Variants in TNN observed in about 807,000 individuals in gnomAD.
TNN encodes the protein tenascin-N.
A neutral mutation model predicts 134.4 loss-of-function variants in TNN; 122 were observed. The ratio of observed to expected loss-of-function variants is 0.91; its 90% confidence interval spans 0.78 to 1.06. TNN has a LOEUF of 1.06. Among genes scored for constraint, TNN ranks in the 50% least tolerant of loss-of-function variants. The probability of loss-of-function intolerance (pLI) is 0.00; values close to 1 mark genes in which losing one functional copy is unlikely to be tolerated. For missense variants in TNN, 1,739 were observed against 1,699.4 expected (o/e 1.02, Z -0.41); for synonymous variants, 710 against 670.3 (o/e 1.06, Z -0.91).
rs1196207003 is a variant in TNN, at chr1:175,128,698, G to C, written c.3282G>C (p.Arg1094=). 1 of 1,614,038 alleles carries C rather than the reference G, an allele frequency of 6.2e-7. No homozygotes were observed. Among genetic ancestry groups the C allele is most frequent in the Non-Finnish European group, 8.5e-7 (1 of 1,179,962 alleles). ...TCTACCTGCATGGCGATGCCAGCCG[G>C]CCCCTGCAGGTGTACTGTGACATGG... ...YTIYLHGDAS[R]PLQVYCDMET... Residue 1094 remains arginine (R), a synonymous_variant, in exon 15 of 19, where the codon CGG becomes CGC. Transcript: ENST00000239462.
chr1:175,146,968 C>A lies in TNN; in HGVS notation c.3797C>A (p.Ser1266Tyr). 1 of 1,584,694 alleles carries A rather than the reference C, an allele frequency of 6.3e-7. No individual in the cohort carries two copies. The highest frequency in any genetic ancestry group is 1.7e-4 in the Middle Eastern group (1 of 5,898). ...NWEPWKGHEF[S>Y]IPYVELKIRP... ...GAGCCTTGGAAAGGACATGAATTCT[C>A]CATTCCTTACGTGGAGTTGAAAATC... The change falls in exon 19 of 19, where the codon TCC becomes TAC. Residue 1266 changes from serine (S) to tyrosine (Y), a missense_variant. Coordinates refer to ENST00000239462, the MANE Select transcript of TNN (RefSeq NM_022093.2).
At chr1:175,125,849 T>G (rs1675514810) in intron 12 of TNN, among the ~76,000 whole-genome samples, 1 of 139,608 alleles carries the variant, frequency 7.2e-6, no homozygotes, top group Non-Finnish European at 1.5e-5. Context: ...TTCTTTTTCT[T>G]TCTTTCTTTT....
Position 175,135,946 on chromosome 1 carries a change from G to A in TNN, c.3427+5G>A, listed in dbSNP as rs769874837. ...CCATGAAGGAGTTCTGGCTTGGTATGATCTCAGAATCCAGGAGGCTGGGGC... is the reference window on the plus strand; with the variant it reads ...CCATGAAGGAGTTCTGGCTTGGTATAATCTCAGAATCCAGGAGGCTGGGGC... On this transcript the variant is annotated splice_donor_5th_base_variant and intron_variant, in intron 16 of 18. Transcript: ENST00000239462. 1 of 1,603,718 alleles carries A rather than the reference G, an allele frequency of 6.2e-7. No individual in the cohort carries two copies. The highest frequency in any genetic ancestry group is 8.5e-7 in the Non-Finnish European group (1 of 1,171,080).
At position 175,147,004 on chromosome 1, in the gene TNN, G is replaced by A; in HGVS notation, c.3833G>A (p.Gly1278Asp). The A allele has an allele frequency of 1.9e-6, 3 of 1,606,394 alleles. No homozygotes were observed. The highest frequency in any genetic ancestry group is 2.6e-6 in the Non-Finnish European group (3 of 1,175,364). The change falls in exon 19 of 19, where the codon GGC (glycine) becomes GAC (aspartate). Residue 1278 changes from glycine to aspartate, a missense_variant. Transcript: ENST00000239462. Reference protein sequence around the residue: ...PYVELKIRPHGYSREPVLGRK... With the variant: ...PYVELKIRPHDYSREPVLGRK... ...GTGGAGTTGAAAATCCGCCCTCATG[G>A]CTACAGCAGGGAGCCTGTCCTGGGC... is the stretch of plus-strand genomic sequence containing the variant.
At chr1:175,109,662 G>GTA (rs752375886) in intron 9 of TNN, among the ~76,000 whole-genome samples, 3 of 147,862 alleles carry the variant, frequency 2.0e-5, no homozygotes, top group Admixed American at 6.8e-5. Context: ...ATGTATATGT[G>GTA]TATATATATA....
intron 17 of TNN, among the ~76,000 whole-genome samples, chr1:175,143,237 A>G (rs970148344): frequency 5.3e-5 from 8 of 152,194 alleles, no homozygotes; most frequent in African/African-American, 1.9e-4. Context: ...GTGAGATGAG[A>G]ATGCACATGC....
chr1:175,103,132 G>T (rs1023296687), intron 9 of TNN, among the ~76,000 whole-genome samples: 6 of 146,084 alleles, frequency 4.1e-5, no homozygotes, highest in African/African-American at 1.2e-4. Context: ...TGACAAGAAG[G>T]TTAAAAATAC....
At chr1:175,092,927 C>A (rs1037077881) in intron 6 of TNN, among the ~76,000 whole-genome samples, 2 of 151,404 alleles carry the variant, frequency 1.3e-5, no homozygotes, top group Admixed American at 1.3e-4. Context: ...TGGCCTGCAC[C>A]CCCACCATCT....
chr1:175,074,803 G>A (rs1281439558), intron 1 of TNN, among the ~76,000 whole-genome samples: 1 of 152,220 alleles, frequency 6.6e-6, no homozygotes, highest in African/African-American at 2.4e-5. Flanking sequence ...ATGGATGAAA[G>A]CATTGCATAG....
At position 175,106,917 on chromosome 1, in the gene TNN, C is replaced by T. The variant is rs943122529; in HGVS notation, c.2119+8322C>T. On this transcript the variant is annotated intron_variant, in intron 9 of 18. Coordinates refer to ENST00000239462, the MANE Select transcript of TNN (RefSeq NM_022093.2). ...CACCCGTGTCTTTAGTCCGGCGGCC[C>T]GCTAGTCACTTTTAAATGGCTGACA... Among the ~76,000 whole-genome samples the T allele has an allele frequency of 1.9e-4, 27 of 145,744 alleles. 4 individuals carry two copies. The highest frequency in any genetic ancestry group is 1.4e-3 in the East Asian group (6 of 4,352).
At chr1:175,096,044 G>A (rs1358615940) in intron 7 of TNN, among the ~76,000 whole-genome samples, 2 of 152,228 alleles carry the variant, frequency 1.3e-5, no homozygotes, top group African/African-American at 4.8e-5. Context: ...ACGCCTGTAT[G>A]GCATTCACAA....
chr1:175,144,323 C>G (rs567596986), intron 17 of TNN, 64 bp from the exon 18 acceptor site: 1 of 1,505,326 alleles, frequency 6.6e-7, no homozygotes, highest in African/African-American at 1.4e-5. Context: ...CTGCTGGGTC[C>G]TCTTTTGATC....
chr1:175,120,883 C>T (rs1277161755), intron 11 of TNN, among the ~76,000 whole-genome samples: 1 of 152,188 alleles, frequency 6.6e-6, no homozygotes, highest in African/African-American at 2.4e-5. Flanking sequence ...TCACTGCAGG[C>T]TTGACCTCCC....
At chr1:175,110,579 G>A (rs1674993595) in intron 9 of TNN, among the ~76,000 whole-genome samples, 1 of 152,158 alleles carries the variant, frequency 6.6e-6, no homozygotes, top group Non-Finnish European at 1.5e-5. Context: ...TTATTCTTCT[G>A]CATATGGATA....
chr1:175,122,430 C>A (rs1394521168), intron 11 of TNN, among the ~76,000 whole-genome samples: 1 of 91,740 alleles, frequency 1.1e-5, no homozygotes, highest in African/African-American at 4.0e-5. Context: ...AGAAAGGGAG[C>A]TTTGGGTGCT....
rs1167021499 is a variant in TNN at position 175,080,362 on chromosome 1, AGTCACCCTGCGTAAC to A, written c.989_1003del (p.Thr330_Val334del). On this transcript the variant is annotated inframe_deletion, in exon 4 of 19. Coordinates refer to ENST00000239462, the MANE Select transcript of TNN (RefSeq NM_022093.2). ...GTTTGCTGCCTGGAACCAAGTACAT[AGTCACCCTGCGTAAC>A]GTCAAGAATGAAGTTTCTAGCAGCC... 17 of 1,614,036 alleles carry A rather than the reference AGTCACCCTGCGTAAC, an allele frequency of 1.1e-5. No individual in the cohort carries two copies. Among genetic ancestry groups the A allele is most frequent in the Non-Finnish European group, 1.4e-5 (17 of 1,180,028 alleles).
In TNN at chr1:175,136,982, A is replaced by T; in HGVS notation, c.3589A>T (p.Thr1197Ser). The change falls in exon 17 of 19, where the codon ACG becomes TCG. Residue 1197 changes from threonine (T) to serine (S), a missense_variant. Physicochemically the swap from Thr to Ser is moderately conservative, Grantham distance 58 (BLOSUM62 1). Coordinates refer to ENST00000239462, the MANE Select transcript of TNN (RefSeq NM_022093.2). ...YKLTVGKYRGTAGDALTYHNG... is the reference protein window; with the variant it reads ...YKLTVGKYRGSAGDALTYHNG... ...GCTGACAGTTGGGAAATACAGAGGC[A>T]CGGCAGGTGAGAAAAAATGTTTTCT... The T allele has an allele frequency of 6.2e-7, 1 of 1,613,948 alleles. No individual in the cohort carries two copies. The highest frequency in any genetic ancestry group is 8.5e-7 in the Non-Finnish European group (1 of 1,179,916).
At chr1:175,137,256 A>T (rs1411814087) in intron 17 of TNN, among the ~76,000 whole-genome samples, 1 of 151,838 alleles carries the variant, frequency 6.6e-6, no homozygotes, top group Admixed American at 6.6e-5. Context: ...CCTCTTATTC[A>T]GGCTGTTGTA....
intron 2 of TNN, 72 bp downstream of exon 2, chr1:175,077,899 GC>G: frequency 4.1e-6 from 6 of 1,458,410 alleles, no homozygotes; most frequent in Non-Finnish European, 5.6e-6. Context: ...GTTTCCACTA[GC>G]CTCATGAGCA....
Sources: gnomAD v4.1 joint callset for allele counts (sites outside exome capture counted in the v4.1 genomes callset) on GRCh38, gnomAD v4.1.1 for gene constraint, MANE v1.5 for transcripts, NCBI Gene and HGNC (gene_info 2026-07-23, HGNC 2026-07-21) for gene names.